The following SLC24A3 variants were observed in gnomAD, a reference collection of about 807,000 sequenced individuals.
The protein encoded by SLC24A3 is solute carrier family 24 member 3.
In SLC24A3, 28 loss-of-function variants were observed where a neutral mutation model predicts 75.8. The ratio of observed to expected loss-of-function variants is 0.37; its 90% CI spans 0.27 to 0.51. The LOEUF is 0.51. Among genes scored for constraint, SLC24A3 ranks in the 20% least tolerant of loss-of-function variants. The pLI, the probability that SLC24A3 is intolerant of heterozygous loss-of-function variation, is 0.94. For synonymous variants in SLC24A3, 372 were observed against 334.1 expected (o/e 1.11, Z -1.24); for missense variants, 663 against 847.8 (o/e 0.78, Z 2.71).
intron 3 of SLC24A3, among the ~76,000 whole-genome samples, chr20:19,557,533 G>A (rs192629553): frequency 1.3e-5 from 2 of 152,178 alleles, no homozygotes. Context: ...ACCACCCTAA[G>A]TGTGGGGAAT....
chr20:19,657,941 A>G (rs2032283711), intron 7 of SLC24A3, among the ~76,000 whole-genome samples: 1 of 152,134 alleles, frequency 6.6e-6, no homozygotes, highest in African/African-American at 2.4e-5. Flanking sequence ...CCTCGTACCC[A>G]CCAAATAATT....
At chr20:19,508,802 T>C (rs953856823) in intron 2 of SLC24A3, among the ~76,000 whole-genome samples, 1 of 152,262 alleles carries the variant, frequency 6.6e-6, no homozygotes, top group Non-Finnish European at 1.5e-5. Context: ...CTCAGCTGGA[T>C]GAGGCTGCTC....
intron 2 of SLC24A3, among the ~76,000 whole-genome samples, chr20:19,370,628 C>G (rs1007084307): frequency 1.3e-5 from 2 of 152,258 alleles, no homozygotes; most frequent in Non-Finnish European, 2.9e-5. Context: ...CTTTTTAAAT[C>G]ATGCTCCTGT....
At chr20:19,613,330 T>C (rs1247448554) in intron 6 of SLC24A3, among the ~76,000 whole-genome samples, 1 of 152,240 alleles carries the variant, frequency 6.6e-6, no homozygotes, top group African/African-American at 2.4e-5. Context: ...AAAATCCATT[T>C]GGTGGCTGAA....
At chr20:19,222,413 AT>A (rs1225899545) in intron 1 of SLC24A3, among the ~76,000 whole-genome samples, 1 of 152,074 alleles carries the variant, frequency 6.6e-6, no homozygotes, top group Non-Finnish European at 1.5e-5. Context: ...GGTCTTGTTG[AT>A]TGTATCTCTG....
intron 2 of SLC24A3, among the ~76,000 whole-genome samples, chr20:19,380,723 G>A (rs3790197): frequency 0.23 from 34,194 of 151,948 alleles, 7,358 homozygotes; most frequent in African/African-American, 0.54. Flanking sequence ...AGTGAGAGGG[G>A]GTACCATATG....
At chr20:19,508,368 CA>C (rs1316014190) in intron 2 of SLC24A3, among the ~76,000 whole-genome samples, 1 of 152,204 alleles carries the variant, frequency 6.6e-6, no homozygotes, top group Non-Finnish European at 1.5e-5. Flanking sequence ...ATGGCTGCAG[CA>C]GCCCATGTTC....
At position 19,610,025 on chromosome 20, in the gene SLC24A3, C is replaced by T. The variant is rs553370580; in HGVS notation, c.612+24481C>T. On this transcript the variant is annotated intron_variant, in intron 6 of 16. Transcript: ENST00000328041. Reference sequence around the variant, plus strand: ...CAGACCAGGAAACTCAGGTGGAAAACTGCTCATTTGTTTTCTTTATGAGCT... The same window carrying T: ...CAGACCAGGAAACTCAGGTGGAAAATTGCTCATTTGTTTTCTTTATGAGCT... Among the ~76,000 whole-genome samples the T allele has an allele frequency of 3.9e-5, 6 of 152,356 alleles. No homozygotes were observed. In the South Asian group the frequency reaches 8.3e-4, roughly 21 times the overall value.
chr20:19,225,133 T>G (rs1981838057), intron 1 of SLC24A3, among the ~76,000 whole-genome samples: 1 of 152,212 alleles, frequency 6.6e-6, no homozygotes, highest in Non-Finnish European at 1.5e-5. Flanking sequence ...TGATTGACCG[T>G]TTTGAAAATG....
chr20:19,553,077 C>CCCTCCCTA (rs2030724702), intron 3 of SLC24A3, among the ~76,000 whole-genome samples: 1 of 123,352 alleles, frequency 8.1e-6, no homozygotes, highest in African/African-American at 3.0e-5. Context: ...TTCCCTCCCT[C>CCCTCCCTA]CCTCCCTCCC....
intron 6 of SLC24A3, among the ~76,000 whole-genome samples, chr20:19,616,911 G>A (rs978358551): frequency 2.6e-5 from 4 of 152,082 alleles, no homozygotes; most frequent in East Asian, 1.9e-4. Flanking sequence ...CAGATGCCCC[G>A]AGTTCTCCGT....
At chr20:19,649,590 G>A (rs2032177433) in intron 6 of SLC24A3, among the ~76,000 whole-genome samples, 2 of 151,258 alleles carry the variant, frequency 1.3e-5, no homozygotes, top group South Asian at 4.2e-4. Flanking sequence ...ACTGTTTTTT[G>A]TTTTTTTTGT....
chr20:19,303,129 C>G (rs987970763), intron 2 of SLC24A3, among the ~76,000 whole-genome samples: 6 of 152,068 alleles, frequency 3.9e-5, no homozygotes, highest in Middle Eastern at 3.4e-3. Context: ...GCATAGTACC[C>G]AATAGGTAGT....
intron 2 of SLC24A3, among the ~76,000 whole-genome samples, chr20:19,506,147 G>A (rs1169262331): frequency 6.6e-6 from 1 of 152,206 alleles, no homozygotes; most frequent in Non-Finnish European, 1.5e-5. Flanking sequence ...GAGTGGTAAA[G>A]GACGGATTCA....
rs114089450 is a variant in SLC24A3, at chr20:19,237,661, T to C, written c.142+24677T>C. On this transcript the variant is annotated intron_variant, in intron 1 of 16. Transcript: ENST00000328041. ...ACCTGTCTCTTCTCCTGCGTCGTCA[T>C]TGAATGGACAACAGCATGAGCATTG... Among the ~76,000 whole-genome samples, 768 of 152,278 alleles carry C rather than the reference T, an allele frequency of 5.0e-3. 6 individuals carry two copies. Among genetic ancestry groups the C allele is most frequent in the African/African-American group, 0.018 (735 of 41,544 alleles).
chr20:19,390,255 T>C (rs1445575275), intron 2 of SLC24A3, among the ~76,000 whole-genome samples: 1 of 152,200 alleles, frequency 6.6e-6, no homozygotes, highest in African/African-American at 2.4e-5. Flanking sequence ...TTTCGTTTCT[T>C]TGTTGGTGTC....
At chr20:19,458,853 G>T (rs1197175120) in intron 2 of SLC24A3, among the ~76,000 whole-genome samples, 1 of 152,150 alleles carries the variant, frequency 6.6e-6, no homozygotes, top group Non-Finnish European at 1.5e-5. Flanking sequence ...TGTGGAAGCA[G>T]CAGAAAAAGT....
At chr20:19,644,383 T>A (rs2032111332) in intron 6 of SLC24A3, among the ~76,000 whole-genome samples, 1 of 152,158 alleles carries the variant, frequency 6.6e-6, no homozygotes. Flanking sequence ...GCATACAGGT[T>A]CTGATGCAGC....
chr20:19,606,523 T>C (rs2031599643), intron 6 of SLC24A3, among the ~76,000 whole-genome samples: 1 of 152,236 alleles, frequency 6.6e-6, no homozygotes, highest in South Asian at 2.1e-4. Context: ...AATTTGAATC[T>C]GGATGACTGC....
Sources: gnomAD v4.1 joint callset for allele counts (sites outside exome capture counted in the v4.1 genomes callset) on GRCh38, gnomAD v4.1.1 for gene constraint, MANE v1.5 for transcripts, NCBI Gene and HGNC (gene_info 2026-07-23, HGNC 2026-07-21) for gene names.